NUDCD3: variants seen among roughly 807,000 people sequenced by gnomAD.
The protein encoded by NUDCD3 is nudC domain-containing protein 3.
Under a neutral mutation model 39.7 loss-of-function variants are expected in NUDCD3, and 13 were observed. The ratio of observed to expected loss-of-function variants is 0.33; its 90% CI spans 0.21 to 0.52. The LOEUF is 0.52. NUDCD3 is among the 20% of genes least tolerant of loss of function. The probability of loss-of-function intolerance (pLI) is 0.96; values close to 1 mark genes in which losing one functional copy is unlikely to be tolerated. For missense variants in NUDCD3, 453 were observed against 458.1 expected (o/e 0.99, Z 0.10); for synonymous variants, 175 against 172.4 (o/e 1.02, Z -0.12).
intron 2 of NUDCD3, among the ~76,000 whole-genome samples, chr7:44,454,437 A>C (rs1476082792): frequency 6.6e-6 from 1 of 152,252 alleles, no homozygotes; most frequent in East Asian, 1.9e-4. Context: ...ACCAGTATCA[A>C]GTTTGGTCAA....
At chr7:44,475,878 T>C (rs549024669) in intron 2 of NUDCD3, among the ~76,000 whole-genome samples, 2 of 152,348 alleles carry the variant, frequency 1.3e-5, no homozygotes, top group African/African-American at 4.8e-5. Context: ...CTCATCTGTA[T>C]TTTCCAAATA....
At chr7:44,461,499 C>T (rs1223280216) in intron 2 of NUDCD3, among the ~76,000 whole-genome samples, 2 of 152,156 alleles carry the variant, frequency 1.3e-5, no homozygotes, top group Non-Finnish European at 2.9e-5. Flanking sequence ...GAGGCACACT[C>T]ATAAAGACTA....
At chr7:44,440,069 T>C (rs1475978145) in intron 2 of NUDCD3, among the ~76,000 whole-genome samples, 1 of 152,214 alleles carries the variant, frequency 6.6e-6, no homozygotes, top group Non-Finnish European at 1.5e-5. Context: ...CGCCCTTCAG[T>C]GGGGCTGGAC....
At chr7:44,418,837 T>C (rs2116890861) in intron 3 of NUDCD3, among the ~76,000 whole-genome samples, 1 of 152,312 alleles carries the variant, frequency 6.6e-6, no homozygotes, top group African/African-American at 2.4e-5. Context: ...GGGGCCTCCC[T>C]TTCCCAGCCA....
intron 1 of NUDCD3, among the ~76,000 whole-genome samples, chr7:44,487,851 G>A (rs1471982809): frequency 7.2e-5 from 11 of 152,100 alleles, no homozygotes; most frequent in African/African-American, 2.7e-4. Flanking sequence ...CTACTCGGGA[G>A]GCTGAGGCAG....
chr7:44,404,169 T>A (rs919823564), intron 4 of NUDCD3, among the ~76,000 whole-genome samples: 1 of 152,172 alleles, frequency 6.6e-6, no homozygotes, highest in Admixed American at 6.5e-5. Context: ...AAATTCAACC[T>A]AGCTTTTCAT....
chr7:44,488,449 T>C (rs1032323425), intron 1 of NUDCD3, among the ~76,000 whole-genome samples: 6 of 152,164 alleles, frequency 3.9e-5, no homozygotes, highest in African/African-American at 4.8e-5. Context: ...GAGACTGTTG[T>C]CCCCTTGGTT....
At chr7:44,387,514 C>T (rs556850841) in intron 5 of NUDCD3, among the ~76,000 whole-genome samples, 2 of 152,336 alleles carry the variant, frequency 1.3e-5, no homozygotes, top group Admixed American at 6.5e-5. Context: ...GAGAAGACTA[C>T]ATGAAGCCCC....
At chr7:44,396,812 T>C (rs1351823436) in intron 4 of NUDCD3, among the ~76,000 whole-genome samples, 1 of 152,194 alleles carries the variant, frequency 6.6e-6, no homozygotes, top group Non-Finnish European at 1.5e-5. Context: ...ATACAGGTCT[T>C]GCAGGGCTGT....
rs1367165277 is a variant in NUDCD3, at chr7:44,468,366, A to AAAAAG, written c.509+16597_509+16601dup. The AAAAAG allele has an allele frequency of 1.1e-4, 138 of 1,294,382 alleles. No homozygotes were observed. In the East Asian group the frequency reaches 1.4e-3, roughly 13 times the overall value. 80.2% of individuals were successfully genotyped at this position (1,294,382 alleles called of 1,614,324 possible). A position where few individuals can be genotyped will look rare whatever the true frequency, so the allele number is the denominator to read the frequency against. ...AAAAACTGCAAAAAAAAAAAAAAAA[A>AAAAAG]AAAAGAAAAGAAAACTAAGGCCCAG... On this transcript the variant is annotated intron_variant, in intron 2 of 5. Transcript: ENST00000355451.
At chr7:44,403,178 G>C (rs1798755135) in intron 4 of NUDCD3, among the ~76,000 whole-genome samples, 1 of 151,510 alleles carries the variant, frequency 6.6e-6, no homozygotes, top group South Asian at 2.1e-4. Context: ...GAGCACACAG[G>C]GTGAGATTTA....
intron 2 of NUDCD3, among the ~76,000 whole-genome samples, chr7:44,427,980 C>T (rs1215317219): frequency 1.3e-5 from 2 of 152,052 alleles, no homozygotes; most frequent in Non-Finnish European, 2.9e-5. Flanking sequence ...GTGTCTGTGA[C>T]CACAGTCAAA....
chr7:44,458,936 C>CTGTGTGTGTGTG (rs55947411), intron 2 of NUDCD3, among the ~76,000 whole-genome samples: 3,874 of 115,646 alleles, frequency 0.033, 83 homozygotes, highest in Non-Finnish European at 0.04. Flanking sequence ...ACGGGGAGTG[C>CTGTGTGTGTGTG]TGTGTGTGTG....
Position 44,485,251 on chromosome 7 carries a change from C to G in NUDCD3, c.226G>C (p.Asp76His). The G allele has an allele frequency of 1.2e-6, 2 of 1,613,606 alleles. No individual in the cohort carries two copies. Among genetic ancestry groups the G allele is most frequent in the Non-Finnish European group, 1.7e-6 (2 of 1,179,674 alleles). ...FKTFDHMARQ[D>H]DEKRRQELEE... ...AGTTCCTGCCTTCTCTTCTCATCAT[C>G]CTGACGGGCCATGTGGTCAAAGGTT... The change falls in exon 2 of 6, where the codon GAT becomes CAT. Residue 76 changes from aspartate (D) to histidine (H), a missense_variant. Asp to His is a moderately conservative substitution (Grantham distance 81). Transcript: ENST00000355451.
At chr7:44,486,132 A>T (rs1800605301) in intron 1 of NUDCD3, among the ~76,000 whole-genome samples, 1 of 152,248 alleles carries the variant, frequency 6.6e-6, no homozygotes, top group Non-Finnish European at 1.5e-5. Context: ...AGGAAATGCC[A>T]CAGCTCTAAG....
chr7:44,396,259 T>C (rs1220348698), intron 4 of NUDCD3, among the ~76,000 whole-genome samples: 1 of 152,188 alleles, frequency 6.6e-6, no homozygotes, highest in Non-Finnish European at 1.5e-5. Context: ...TGTAACCAAG[T>C]GGGCTGCCCT....
chr7:44,391,784 T>G, intron 5 of NUDCD3, among the ~76,000 whole-genome samples: 1 of 152,302 alleles, frequency 6.6e-6, no homozygotes, highest in East Asian at 1.9e-4. Context: ...ATGAGCAAAC[T>G]CTACACTGGG....
Position 44,487,904 on chromosome 7 carries a change from G to A in NUDCD3, c.192+2505C>T, listed in dbSNP as rs142052908. On this transcript the variant is annotated intron_variant, in intron 1 of 5. Transcript: ENST00000355451. ...GGGAGGAGGAGGTGCAGTGAGCCAA[G>A]ATTGCGCCACTGCACTCCAGCCTGG... Among the ~76,000 whole-genome samples the A allele has an allele frequency of 4.2e-3, 638 of 151,840 alleles. 7 individuals carry two copies. The highest frequency in any genetic ancestry group is 0.015 in the African/African-American group (608 of 41,374).
Position 44,469,115 on chromosome 7 carries a change from CAAAAAAAAAA to C in NUDCD3, c.509+15843_509+15852del, listed in dbSNP as rs756247647. Among the ~76,000 whole-genome samples the C allele has an allele frequency of 8.2e-3, 271 of 32,864 alleles. 3 individuals carry two copies. Among genetic ancestry groups the C allele is most frequent in the Non-Finnish European group, 7.4e-3 (142 of 19,088 alleles). 21.6% of individuals were successfully genotyped at this position (32,864 alleles called of 152,430 possible). A position where few individuals can be genotyped will look rare whatever the true frequency, so the allele number is the denominator to read the frequency against. ...AGGGCCAGTTTTCAAACAAACAAAC[CAAAAAAAAAA>C]AAAAAAAAAAAAAAAACAGGAGATT... On this transcript the variant is annotated intron_variant, in intron 2 of 5. Coordinates refer to ENST00000355451, the MANE Select transcript of NUDCD3 (RefSeq NM_015332.4).
Sources: gnomAD v4.1 joint callset for allele counts (sites outside exome capture counted in the v4.1 genomes callset) on GRCh38, gnomAD v4.1.1 for gene constraint, MANE v1.5 for transcripts, NCBI Gene and HGNC (gene_info 2026-07-23, HGNC 2026-07-21) for gene names.